Variants in FBXL18 observed in about 807,000 individuals in gnomAD.
The protein encoded by FBXL18 is F-box and leucine rich repeat protein 18, also known as F-box/LRR-repeat protein 18.
Under a neutral mutation model 46.0 loss-of-function variants are expected in FBXL18, and 36 were observed. The ratio of observed to expected loss-of-function variants is 0.78; its 90% CI spans 0.60 to 1.03. The LOEUF (loss-of-function observed/expected upper bound fraction) is 1.03. FBXL18 is among the 50% of genes least tolerant of loss of function. The pLI is 0.00. For missense variants in FBXL18, 977 were observed against 1,004.1 expected (o/e 0.97, Z 0.36); for synonymous variants, 557 against 465.3 (o/e 1.20, Z -2.54).
chr7:5,504,915 C>CAAAAAAAAAAA (rs59985346), intron 2 of FBXL18, among the ~76,000 whole-genome samples: 1 of 30,048 alleles, frequency 3.3e-5, no homozygotes, highest in Non-Finnish European at 5.6e-5. Flanking sequence ...GACTCCATCT[C>CAAAAAAAAAAA]AAAAAAAAAA....
At position 5,502,013 on chromosome 7, in the gene FBXL18, T is replaced by C; in HGVS notation, c.256A>G (p.Arg86Gly). ...CGGCCGATCTCCTTCACCAGCTGCCTCACTTTGTCCTCGCTCGCCTGCGGG... is the reference window on the plus strand; with the variant it reads ...CGGCCGATCTCCTTCACCAGCTGCCCCACTTTGTCCTCGCTCGCCTGCGGG... ...KDYQASEDKV[R>G]QLVKEIGREI... is the part of the protein sequence containing the mutation. Residue 86 changes from arginine to glycine, a missense_variant, in exon 3 of 5, where the codon AGG becomes GGG. By Grantham distance (125) the Arg-to-Gly change is moderately radical (BLOSUM62 -2). Transcript: ENST00000382368. The C allele has an allele frequency of 6.2e-7, 1 of 1,601,058 alleles. No individual in the cohort carries two copies. The highest frequency in any genetic ancestry group is 8.5e-7 in the Non-Finnish European group (1 of 1,174,104).
chr7:5,497,030 CAAAA>C (rs34719109), intron 3 of FBXL18, among the ~76,000 whole-genome samples: 1 of 69,478 alleles, frequency 1.4e-5, no homozygotes. Context: ...GACTCTGTCT[CAAAA>C]AAAAAAAAAA....
At position 5,477,182 on chromosome 7, in the gene FBXL18, C is replaced by T. The variant is rs143262523; in HGVS notation, c.*4593G>A. Among the ~76,000 whole-genome samples, 1,127 of 152,236 alleles carry T rather than the reference C, an allele frequency of 7.4e-3. 16 individuals are homozygous for T. The highest frequency in any genetic ancestry group is 0.025 in the African/African-American group (1,033 of 41,546). ...GATTACAGGCGTGAGCCACTGCGCC[C>T]GGCCAGATCTAGAAACTTCTAACTT... is the stretch of plus-strand genomic sequence containing the variant. On this transcript the variant is annotated 3_prime_UTR_variant, in exon 5 of 5. Coordinates refer to ENST00000382368, the MANE Select transcript of FBXL18 (RefSeq NM_024963.6). The surrounding 1 kb of genome is among the most constrained non-coding windows in gnomAD (Gnocchi z 4.4).
intron 4 of FBXL18, chr7:5,490,137 T>C: frequency 7.4e-7 from 1 of 1,360,316 alleles, no homozygotes. Context: ...GCCCAGTGGC[T>C]CGAGACGTCC....
chr7:5,476,904 T>C lies in FBXL18; in HGVS notation c.*4871A>G, dbSNP rs1584194765. The stretch of plus-strand genomic sequence containing the variant: ...GAAACTTCTTTTGTTTTTTTTTTTT[T>C]TGAGACGGAGTCTCACTCTGTCGCC... On this transcript the variant is annotated 3_prime_UTR_variant, in exon 5 of 5. Transcript: ENST00000382368. 6.7e-6 allele frequency: 1 copy of C among 150,318 alleles called. No homozygotes were observed. Among genetic ancestry groups the C allele is most frequent in the East Asian group, 1.9e-4 (1 of 5,144 alleles). The allele number at this position is 150,318 out of a possible 1,614,324, so 9.3% of individuals were successfully genotyped here.
At position 5,480,483 on chromosome 7, in the gene FBXL18, G is replaced by C. The variant is rs1406705214; in HGVS notation, c.*1292C>G. ...GGGGTATCCCTGTGTTGCCCAGGCTGATCTCAAACTCCTGGGCTCAAGTGA... is the reference window on the plus strand; with the variant it reads ...GGGGTATCCCTGTGTTGCCCAGGCTCATCTCAAACTCCTGGGCTCAAGTGA... On this transcript the variant is annotated 3_prime_UTR_variant, in exon 5 of 5. Transcript: ENST00000382368. 1.3e-5 allele frequency: 2 copies of C among 149,124 alleles called. No individual in the cohort carries two copies. Among genetic ancestry groups the C allele is most frequent in the African/African-American group, 5.0e-5 (2 of 40,026 alleles). 9.2% of individuals were successfully genotyped at this position (149,124 alleles called of 1,614,324 possible). A position where few individuals can be genotyped will look rare whatever the true frequency, so the allele number is the denominator to read the frequency against.
At chr7:5,463,730 T>A (rs1439836687) in intron 4 of FBXL18, among the ~76,000 whole-genome samples, 422 of 10,540 alleles carry the variant, frequency 0.04, 19 homozygotes, top group African/African-American at 0.11. Flanking sequence ...ATTTATTTAT[T>A]TTTTTTTTTT....
chr7:5,506,553 C>CT (rs111764029), intron 1 of FBXL18, among the ~76,000 whole-genome samples: 62,484 of 138,744 alleles, frequency 0.45, 14,368 homozygotes, highest in African/African-American at 0.55. Flanking sequence ...CCATGCCCGG[C>CT]TTTTTTTTTT....
At position 5,505,618 on chromosome 7, in the gene FBXL18, CATT is replaced by C; in HGVS notation, c.28_30del (p.Asn10del). 3 of 1,613,812 alleles carry C rather than the reference CATT, an allele frequency of 1.9e-6. No homozygotes were observed. Among genetic ancestry groups the C allele is most frequent in the South Asian group, 2.2e-5 (2 of 91,076 alleles). ...GCTGCAGGGTGCATGTCATCATCATCATTGGATATGTCCTGAAAATAAGGGGGA... is the reference window on the plus strand; with the variant it reads ...GCTGCAGGGTGCATGTCATCATCATCGGATATGTCCTGAAAATAAGGGGGA... On this transcript the variant is annotated inframe_deletion, in exon 2 of 5. Coordinates refer to ENST00000382368, the MANE Select transcript of FBXL18 (RefSeq NM_024963.6).
At position 5,513,789 on chromosome 7, in the gene FBXL18, G is replaced by C. The variant is rs1249153569; in HGVS notation, c.-115C>G. 7.0e-7 allele frequency: 1 copy of C among 1,427,654 alleles called. No homozygotes were observed. Among genetic ancestry groups the C allele is most frequent in the African/African-American group, 1.4e-5 (1 of 70,060 alleles). The allele number at this position is 1,427,654 out of a possible 1,614,324, so 88.4% of individuals were successfully genotyped here. A position where few individuals can be genotyped will look rare whatever the true frequency, so the allele number is the denominator to read the frequency against. On this transcript the variant is annotated 5_prime_UTR_variant, in exon 1 of 5. Coordinates refer to ENST00000382368, the MANE Select transcript of FBXL18 (RefSeq NM_024963.6). ...ACCGCTCAACCGAGACCCCGGCAAG[G>C]AGCGGGCTCTCGTCACTTCCGGCGC...
intron 4 of FBXL18, among the ~76,000 whole-genome samples, chr7:5,456,997 C>G (rs1783183917): frequency 6.6e-6 from 1 of 152,214 alleles, no homozygotes; most frequent in Non-Finnish European, 1.5e-5. Flanking sequence ...CTCCTGTCCT[C>G]AAGTGATCCA....
intron 4 of FBXL18, chr7:5,489,943 TCAAA>T (rs1474280026): frequency 6.4e-6 from 8 of 1,254,652 alleles, no homozygotes; most frequent in African/African-American, 3.1e-5. Context: ...AGACTCTGTC[TCAAA>T]CAAACAAACA....
chr7:5,474,825 A>G (rs1783483808), downstream of FBXL18, among the ~76,000 whole-genome samples: 1 of 150,594 alleles, frequency 6.6e-6, no homozygotes, highest in Non-Finnish European at 1.5e-5. Flanking sequence ...CTCCTGCCTC[A>G]GCCTCCCGAG....
At chr7:5,473,034 G>A (rs1415298963), downstream of FBXL18, among the ~76,000 whole-genome samples, 3 of 151,960 alleles carry the variant, frequency 2.0e-5, no homozygotes, top group Non-Finnish European at 2.9e-5. Context: ...CATTGGCGTC[G>A]GCAGCACAGA....
Position 5,477,954 on chromosome 7 carries a change from C to G in FBXL18, c.*3821G>C, listed in dbSNP as rs1224929428. Reference sequence around the variant, plus strand: ...GAGCCCTACGGCTCTAGGTCTGGCCCCTCCACAAGCCCTCCAGGCCCACGC... The same window carrying G: ...GAGCCCTACGGCTCTAGGTCTGGCCGCTCCACAAGCCCTCCAGGCCCACGC... On this transcript the variant is annotated 3_prime_UTR_variant, in exon 5 of 5. Coordinates refer to ENST00000382368, the MANE Select transcript of FBXL18 (RefSeq NM_024963.6). The surrounding 1 kb of genome is among the most constrained non-coding windows in gnomAD (Gnocchi z 4.4). The G allele has an allele frequency of 6.6e-6, 1 of 152,436 alleles. No individual in the cohort carries two copies. Among genetic ancestry groups the G allele is most frequent in the African/African-American group, 2.4e-5 (1 of 41,478 alleles). 9.4% of individuals were successfully genotyped at this position (152,436 alleles called of 1,614,324 possible).
At chr7:5,459,601 G>C (rs572886246) in intron 4 of FBXL18, among the ~76,000 whole-genome samples, 2 of 152,102 alleles carry the variant, frequency 1.3e-5, no homozygotes, top group Non-Finnish European at 2.9e-5. Flanking sequence ...TTAGCCAGGC[G>C]TGGTAGCAGG....
rs546059555 is a variant in FBXL18, at chr7:5,484,078, T to C, written c.2001-2147A>G. ...CCATGACCGTGAACACCACGGGTCA[T>C]GTGGCAGACGCATCCTGGCCTGTGA... On this transcript the variant is annotated intron_variant, in intron 4 of 4. Coordinates refer to ENST00000382368, the MANE Select transcript of FBXL18 (RefSeq NM_024963.6). Among the ~76,000 whole-genome samples, 22 of 152,290 alleles carry C rather than the reference T, an allele frequency of 1.4e-4. No individual in the cohort carries two copies. The South Asian group carries it at 4.6e-3, about 32-fold the overall frequency.
Position 5,496,191 on chromosome 7 carries a change from G to A in FBXL18, c.1781+4297C>T, listed in dbSNP as rs1784075922. On this transcript the variant is annotated intron_variant, in intron 3 of 4. Coordinates refer to ENST00000382368, the MANE Select transcript of FBXL18 (RefSeq NM_024963.6). The surrounding 1 kb of genome is among the most constrained non-coding windows in gnomAD (Gnocchi z 4.8). ...CTTACTTTCTTCATCCATTAAGTGG[G>A]TACAACTGTGTCGACACTCAGAGGT... 6.6e-6 allele frequency among the ~76,000 whole-genome samples: 1 copy of A among 152,146 alleles called. No individual in the cohort carries two copies.
rs59985346 is a variant in FBXL18, at chr7:5,504,915, C to CAAA, written c.237+494_237+496dup. On this transcript the variant is annotated intron_variant, in intron 2 of 4. Transcript: ENST00000382368. ...TGGGCAAAAGAACGAGACTCCATCT[C>CAAA]AAAAAAAAAAAAAAAAAAAAAAAAA... Among the ~76,000 whole-genome samples the CAAA allele has an allele frequency of 5.1e-3, 153 of 30,060 alleles. 3 individuals are homozygous for CAAA. The highest frequency in any genetic ancestry group is 6.6e-3 in the Non-Finnish European group (118 of 17,962). 19.7% of individuals were successfully genotyped at this position (30,060 alleles called of 152,430 possible).
Sources: allele counts gnomAD v4.1 joint callset (sites outside exome capture counted in the v4.1 genomes callset), GRCh38; gene constraint gnomAD v4.1.1; non-coding constraint Gnocchi (gnomAD v3.1); transcripts MANE v1.5; gene names NCBI Gene and HGNC (gene_info 2026-07-23, HGNC 2026-07-21).